TASP1: variants seen among roughly 807,000 people sequenced by gnomAD.
TASP1 encodes taspase 1, also known as threonine aspartase 1.
A neutral mutation model predicts 56.6 loss-of-function variants in TASP1; 16 were observed. That is an observed-to-expected ratio of 0.28 (90% CI 0.19 to 0.43). The LOEUF (loss-of-function observed/expected upper bound fraction) is 0.43. Among genes scored for constraint, TASP1 ranks in the 20% least tolerant of loss-of-function variants. The probability of loss-of-function intolerance (pLI) is 1.00; values close to 1 mark genes in which losing one functional copy is unlikely to be tolerated. For synonymous variants in TASP1, 179 were observed against 184.2 expected (o/e 0.97, Z 0.23); for missense variants, 393 against 511.6 (o/e 0.77, Z 2.24).
intron 4 of TASP1, among the ~76,000 whole-genome samples, chr20:13,621,786 G>A (rs6042258): frequency 0.039 from 5,983 of 152,230 alleles, 225 homozygotes; most frequent in African/African-American, 0.098. Flanking sequence ...GTTATTCTAA[G>A]ATGAAAAGAG....
At chr20:13,211,873 G>A in the TASP1 span, among the ~76,000 whole-genome samples, 1 of 152,070 alleles carries the variant, frequency 6.6e-6, no homozygotes, top group Non-Finnish European at 1.5e-5. Context: ...TATTTTAAAT[G>A]GTTATATAAG....
At chr20:13,361,933 G>C in the TASP1 span, among the ~76,000 whole-genome samples, 1 of 151,936 alleles carries the variant, frequency 6.6e-6, no homozygotes, top group Admixed American at 6.6e-5. Context: ...TTTTACACCT[G>C]TTTTTCTCCT....
the TASP1 span, among the ~76,000 whole-genome samples, chr20:13,272,471 T>C: frequency 5.6e-3 from 854 of 152,258 alleles, 29 homozygotes; most frequent in Admixed American, 0.048. Flanking sequence ...CATAAAACAG[T>C]GCTGGAGGGA....
intron 4 of TASP1, among the ~76,000 whole-genome samples, chr20:13,621,617 T>C (rs2048721466): frequency 2.0e-5 from 3 of 152,154 alleles, no homozygotes; most frequent in African/African-American, 7.2e-5. Context: ...TATCCGAAAC[T>C]GTAAGTCCAC....
chr20:13,554,151 T>C (rs963117430), intron 8 of TASP1, among the ~76,000 whole-genome samples: 4 of 152,116 alleles, frequency 2.6e-5, no homozygotes, highest in African/African-American at 9.7e-5. Context: ...GAGGCAAAGG[T>C]ATAAGAAAAA....
At chr20:13,310,957 G>A in the TASP1 span, among the ~76,000 whole-genome samples, 1 of 152,212 alleles carries the variant, frequency 6.6e-6, no homozygotes, top group South Asian at 2.1e-4. Context: ...ACTTTGGGAG[G>A]CTGAGGCGAG....
At chr20:13,251,349 T>C in the TASP1 span, among the ~76,000 whole-genome samples, 2 of 152,248 alleles carry the variant, frequency 1.3e-5, no homozygotes, top group Non-Finnish European at 2.9e-5. Flanking sequence ...ACCTTCAAAC[T>C]GAACCATGCT....
intron 4 of TASP1, among the ~76,000 whole-genome samples, chr20:13,590,677 C>G (rs1000899209): frequency 6.6e-6 from 1 of 151,870 alleles, no homozygotes; most frequent in Non-Finnish European, 1.5e-5. Context: ...ACCAGCCTGG[C>G]CAACATGGTG....
intron 11 of TASP1, among the ~76,000 whole-genome samples, chr20:13,442,564 C>A (rs1037332021): frequency 2.0e-5 from 3 of 151,978 alleles, no homozygotes; most frequent in Non-Finnish European, 2.9e-5. Flanking sequence ...ATTGCTTGAA[C>A]CCCGGAGGTG....
the TASP1 span, among the ~76,000 whole-genome samples, chr20:13,374,549 C>T: frequency 1.4e-4 from 22 of 152,154 alleles, no homozygotes; most frequent in East Asian, 1.5e-3. Context: ...GGGGTTTCAC[C>T]GTGTTAGCCA....
the TASP1 span, among the ~76,000 whole-genome samples, chr20:13,356,969 G>C: frequency 6.6e-6 from 1 of 152,148 alleles, no homozygotes; most frequent in Non-Finnish European, 1.5e-5. Context: ...TGTTAGCTTG[G>C]CAGTCTTGCT....
intron 8 of TASP1, among the ~76,000 whole-genome samples, chr20:13,553,137 T>C (rs2046036278): frequency 6.6e-6 from 1 of 152,092 alleles, no homozygotes. Flanking sequence ...AGAGACAGGG[T>C]CTTGCTATGT....
intron 10 of TASP1, among the ~76,000 whole-genome samples, chr20:13,510,396 T>A (rs1425714954): frequency 2.9e-4 from 44 of 152,210 alleles, no homozygotes; most frequent in Admixed American, 2.8e-3. Context: ...AGATTCCACT[T>A]CTTCTACTCA....
At chr20:13,197,690 G>A in the TASP1 span, among the ~76,000 whole-genome samples, 2 of 152,186 alleles carry the variant, frequency 1.3e-5, no homozygotes, top group East Asian at 3.8e-4. Flanking sequence ...TTGGGCAACT[G>A]TAGTGCTCTA....
the TASP1 span, among the ~76,000 whole-genome samples, chr20:13,285,556 G>C: frequency 6.6e-6 from 1 of 152,132 alleles, no homozygotes; most frequent in African/African-American, 2.4e-5. Flanking sequence ...ACGCTTGGGG[G>C]AAGAGTTCCC....
chr20:13,618,265 T>C (rs1186458786), intron 4 of TASP1, among the ~76,000 whole-genome samples: 1 of 151,808 alleles, frequency 6.6e-6, no homozygotes, highest in Admixed American at 6.6e-5. Context: ...CAAAAAAAAT[T>C]AGCCAGGTGT....
the TASP1 span, among the ~76,000 whole-genome samples, chr20:13,149,993 A>G: frequency 6.6e-6 from 1 of 152,218 alleles, no homozygotes; most frequent in African/African-American, 2.4e-5. Flanking sequence ...TGATGAAGTC[A>G]TCTGTTCATT....
At chr20:13,252,380 T>C in the TASP1 span, among the ~76,000 whole-genome samples, 1 of 152,158 alleles carries the variant, frequency 6.6e-6, no homozygotes, top group Non-Finnish European at 1.5e-5. Flanking sequence ...AGGTGTTGGA[T>C]GGTCTGAGAT....
At chr20:13,434,999 GA>G (rs768998359) in intron 12 of TASP1, 44 bp downstream of exon 12, 405 of 1,355,238 alleles carry the variant, frequency 3.0e-4, no homozygotes, top group Admixed American at 5.1e-4. Context: ...TTTTTTCTTG[GA>G]AAAAAAAATA....
Sources: gnomAD v4.1 joint callset for allele counts (sites outside exome capture counted in the v4.1 genomes callset) on GRCh38, gnomAD v4.1.1 for gene constraint, MANE v1.5 for transcripts, NCBI Gene and HGNC (gene_info 2026-07-23, HGNC 2026-07-21) for gene names.